The following GMDS variants were observed in gnomAD, a reference collection of about 807,000 sequenced individuals.
GMDS encodes GDP-mannose 4,6-dehydratase, also known as GDP-mannose 4,6 dehydratase.
GMDS carries 20 observed loss-of-function variants against 49.9 expected under a neutral mutation model. That is an observed-to-expected ratio of 0.40 (90% CI 0.28 to 0.58). The LOEUF (loss-of-function observed/expected upper bound fraction) is 0.58. GMDS is among the 20% of genes least tolerant of loss of function. The pLI is 0.42. For missense variants in GMDS, 362 were observed against 481.4 expected (o/e 0.75, Z 2.32); for synonymous variants, 177 against 178.6 (o/e 0.99, Z 0.07).
intron 7 of GMDS, among the ~76,000 whole-genome samples, chr6:1,861,901 A>T (rs1051125447): frequency 7.2e-5 from 11 of 152,244 alleles, no homozygotes; most frequent in African/African-American, 2.4e-4. Context: ...AATACATTTT[A>T]TCTGTTGCAC....
intron 7 of GMDS, among the ~76,000 whole-genome samples, chr6:1,756,727 G>A (rs1257259930): frequency 6.6e-6 from 1 of 152,208 alleles, no homozygotes; most frequent in Non-Finnish European, 1.5e-5. Context: ...GCTGGGTGCT[G>A]GATGCACCTC....
At chr6:1,844,699 A>G (rs1757307296) in intron 7 of GMDS, among the ~76,000 whole-genome samples, 1 of 152,224 alleles carries the variant, frequency 6.6e-6, no homozygotes, top group South Asian at 2.1e-4. Context: ...GTCTGCAATC[A>G]TGACAAAGAA....
chr6:1,639,823 A>G (rs1374850564), intron 9 of GMDS, among the ~76,000 whole-genome samples: 1 of 152,176 alleles, frequency 6.6e-6, no homozygotes, highest in Non-Finnish European at 1.5e-5. Context: ...GGCTGCAGTG[A>G]GCCAAGATCA....
At chr6:2,021,275 C>A (rs1009664565) in intron 4 of GMDS, among the ~76,000 whole-genome samples, 5 of 152,166 alleles carry the variant, frequency 3.3e-5, no homozygotes, top group African/African-American at 1.2e-4. Context: ...TCTAAGGAGC[C>A]AAATGCTGAT....
chr6:1,958,475 G>A (rs977006737), intron 6 of GMDS, among the ~76,000 whole-genome samples: 3 of 151,984 alleles, frequency 2.0e-5, no homozygotes, highest in African/African-American at 7.3e-5. Context: ...CTCCCTTACC[G>A]CTGGCACCCA....
intron 7 of GMDS, among the ~76,000 whole-genome samples, chr6:1,744,999 A>G (rs1364087388): frequency 6.6e-6 from 1 of 152,050 alleles, no homozygotes; most frequent in Non-Finnish European, 1.5e-5. Context: ...ACACACACAC[A>G]CACAGAAACT....
intron 7 of GMDS, among the ~76,000 whole-genome samples, chr6:1,830,748 T>A (rs1581232816): frequency 6.6e-6 from 1 of 152,160 alleles, no homozygotes. Flanking sequence ...GATATTAAAT[T>A]ATCTGAAATT....
At chr6:2,052,463 G>A (rs1308089287) in intron 4 of GMDS, among the ~76,000 whole-genome samples, 1 of 152,246 alleles carries the variant, frequency 6.6e-6, no homozygotes, top group Non-Finnish European at 1.5e-5. Context: ...ACAGCAAGGT[G>A]TGCTTGGTCC....
At chr6:1,959,629 T>C (rs1038249737) in intron 6 of GMDS, 3 of 309,812 alleles carry the variant, frequency 9.7e-6, no homozygotes, top group African/African-American at 6.5e-5. Flanking sequence ...ATTAAAATGG[T>C]AAAACTGGAA....
intron 7 of GMDS, among the ~76,000 whole-genome samples, chr6:1,823,514 A>G (rs886650240): frequency 1.3e-5 from 2 of 152,158 alleles, no homozygotes; most frequent in Non-Finnish European, 2.9e-5. Context: ...CTCCTAGGAC[A>G]CTACAAATGG....
Position 1,835,915 on chromosome 6 carries a change from C to T in GMDS, c.772-93329G>A, listed in dbSNP as rs371618411. Among the ~76,000 whole-genome samples, 11 of 151,942 alleles carry T rather than the reference C, an allele frequency of 7.2e-5. No individual in the cohort carries two copies. The East Asian group carries it at 7.7e-4, about 11-fold the overall frequency. On this transcript the variant is annotated intron_variant, in intron 7 of 10. Transcript: ENST00000380815. ...TTATTATTTTTTTGAGACGGAGTCT[C>T]GCTATGTCGCCCAGGCAGGAGTGCA...
intron 7 of GMDS, among the ~76,000 whole-genome samples, chr6:1,899,772 C>T (rs1216823795): frequency 2.0e-5 from 3 of 152,130 alleles, no homozygotes; most frequent in Non-Finnish European, 2.9e-5. Context: ...AGAACACAGT[C>T]GCCACTCTAA....
rs149195420 is a variant in GMDS at position 1,836,345 on chromosome 6, T to C, written c.771+93758A>G. ...AGAGGCCAAATGAAATGCTCACAGA[T>C]CGGCATATGTATGTTACCACGTCAC... On this transcript the variant is annotated intron_variant, in intron 7 of 10. Coordinates refer to ENST00000380815, the MANE Select transcript of GMDS (RefSeq NM_001500.4). The surrounding 1 kb of genome is among the most constrained non-coding windows in gnomAD (Gnocchi z 4.2). 6.6e-6 allele frequency among the ~76,000 whole-genome samples: 1 copy of C among 152,184 alleles called. No individual in the cohort carries two copies. The highest frequency in any genetic ancestry group is 2.4e-5 in the African/African-American group (1 of 41,436).
chr6:2,098,715 A>G (rs1773753351), intron 4 of GMDS, among the ~76,000 whole-genome samples: 1 of 152,176 alleles, frequency 6.6e-6, no homozygotes, highest in Non-Finnish European at 1.5e-5. Flanking sequence ...TAAAAAAACT[A>G]ACTTAGGAAC....
intron 1 of GMDS, among the ~76,000 whole-genome samples, chr6:2,236,102 A>C (rs1009591722): frequency 6.6e-6 from 1 of 152,230 alleles, no homozygotes; most frequent in Non-Finnish European, 1.5e-5. Flanking sequence ...TGTCTCCCTC[A>C]AAGCAAAGGC....
chr6:1,797,371 G>A (rs1581192830), intron 7 of GMDS, among the ~76,000 whole-genome samples: 2 of 152,268 alleles, frequency 1.3e-5, no homozygotes, highest in East Asian at 3.9e-4. Flanking sequence ...AAGGTAAAAA[G>A]AACTCTCTCA....
At chr6:1,948,020 G>A (rs1763168249) in intron 6 of GMDS, among the ~76,000 whole-genome samples, 1 of 152,128 alleles carries the variant, frequency 6.6e-6, no homozygotes, top group African/African-American at 2.4e-5. Flanking sequence ...AGCAGTGATG[G>A]TAATAATAAT....
intron 7 of GMDS, among the ~76,000 whole-genome samples, chr6:1,841,491 T>TA (rs528782691): frequency 1.1e-3 from 175 of 152,358 alleles, no homozygotes; most frequent in Non-Finnish European, 1.3e-3. Flanking sequence ...TGCTTCCTAC[T>TA]AAAGATCCAT....
rs140382693 is a variant in GMDS at position 2,024,499 on chromosome 6, A to G, written c.346-63533T>C. Among the ~76,000 whole-genome samples, 541 of 152,294 alleles carry G rather than the reference A, an allele frequency of 3.6e-3. 3 individuals carry two copies. The highest frequency in any genetic ancestry group is 0.012 in the African/African-American group (502 of 41,586). Reference sequence around the variant, plus strand: ...GAAATTACTGGAAAGCAATAAATCGAAACATGGGAAGTAGCAGTTCAGGGT... The same window carrying G: ...GAAATTACTGGAAAGCAATAAATCGGAACATGGGAAGTAGCAGTTCAGGGT... On this transcript the variant is annotated intron_variant, in intron 4 of 10. Transcript: ENST00000380815.
Sources: allele counts gnomAD v4.1 joint callset (sites outside exome capture counted in the v4.1 genomes callset), GRCh38; gene constraint gnomAD v4.1.1; non-coding constraint Gnocchi (gnomAD v3.1); transcripts MANE v1.5; gene names NCBI Gene and HGNC (gene_info 2026-07-23, HGNC 2026-07-21).